Variants in NXPE1 observed in about 807,000 individuals in gnomAD.
NXPE1 encodes neurexophilin and PC-esterase domain family member 1.
Under a neutral mutation model 33.3 loss-of-function variants are expected in NXPE1, and 31 were observed. The ratio of observed to expected loss-of-function variants is 0.93; its 90% CI spans 0.70 to 1.26. NXPE1 has a LOEUF of 1.26. Ranked by LOEUF, NXPE1 falls within the 50% of genes most tolerant of loss-of-function variation. The probability of loss-of-function intolerance (pLI) is 0.00; values close to 1 mark genes in which losing one functional copy is unlikely to be tolerated. For missense variants in NXPE1, 661 were observed against 655.6 expected (o/e 1.01, Z -0.09); for synonymous variants, 229 against 231.4 (o/e 0.99, Z 0.09).
chr11:114,534,726 G>A (rs1353583233), intron 5 of NXPE1, among the ~76,000 whole-genome samples: 1 of 152,190 alleles, frequency 6.6e-6, no homozygotes, highest in Non-Finnish European at 1.5e-5. Context: ...ATGAAGAGAA[G>A]TTTGGAGAAA....
chr11:114,541,209 A>G (rs949758841), intron 5 of NXPE1, among the ~76,000 whole-genome samples: 3 of 152,150 alleles, frequency 2.0e-5, no homozygotes, highest in Admixed American at 6.6e-5. Flanking sequence ...TTTCCACAAC[A>G]TAACAGTCAC....
chr11:114,547,286 G>T (rs1229915075), intron 5 of NXPE1, among the ~76,000 whole-genome samples: 2 of 152,152 alleles, frequency 1.3e-5, no homozygotes, highest in African/African-American at 4.8e-5. Context: ...TTAGCTCTGT[G>T]ATCTTCCTTC....
At chr11:114,540,786 A>G (rs952059651) in intron 5 of NXPE1, among the ~76,000 whole-genome samples, 5 of 134,654 alleles carry the variant, frequency 3.7e-5, no homozygotes, top group Non-Finnish European at 6.2e-5. Context: ...TTGATGTGTT[A>G]GCCTGAGGGC....
At chr11:114,532,596 T>G (rs1947624017) in intron 5 of NXPE1, among the ~76,000 whole-genome samples, 1 of 152,126 alleles carries the variant, frequency 6.6e-6, no homozygotes, top group South Asian at 2.1e-4. Context: ...ACAAACCAAT[T>G]AATTTTATAA....
chr11:114,536,213 G>A (rs1392504751), intron 5 of NXPE1, among the ~76,000 whole-genome samples: 9 of 152,060 alleles, frequency 5.9e-5, no homozygotes, highest in Non-Finnish European at 8.8e-5. Flanking sequence ...AGGCAGAAAT[G>A]AAGATGTTCT....
intron 1 of NXPE1, among the ~76,000 whole-genome samples, chr11:114,554,921 A>G (rs1401704669): frequency 6.6e-6 from 1 of 152,332 alleles, no homozygotes; most frequent in East Asian, 1.9e-4. Context: ...GGCAGGGGAT[A>G]GCAGAGCTTG....
chr11:114,540,958 G>T (rs1187891085), intron 5 of NXPE1, among the ~76,000 whole-genome samples: 1 of 142,604 alleles, frequency 7.0e-6, no homozygotes, highest in Non-Finnish European at 1.5e-5. Flanking sequence ...CAGAACAGAG[G>T]CAGAGAAGGT....
chr11:114,557,436 G>C (rs1283406547), intron 1 of NXPE1, among the ~76,000 whole-genome samples: 3 of 151,544 alleles, frequency 2.0e-5, no homozygotes, highest in Non-Finnish European at 4.4e-5. Context: ...GCTATAGTCA[G>C]GCATTTCAGT....
At chr11:114,521,926 T>C (rs745916377) in exon 9 of NXPE1, 4 of 1,385,448 alleles carry the variant, frequency 2.9e-6, no homozygotes, top group Non-Finnish European at 4.0e-6. Flanking sequence ...TGGGATTATG[T>C]GCAGAGATTG....
At chr11:114,553,068 C>T (rs1006492624) in intron 1 of NXPE1, among the ~76,000 whole-genome samples, 188 bp from the exon 2 acceptor site, 2 of 152,146 alleles carry the variant, frequency 1.3e-5, no homozygotes, top group African/African-American at 4.8e-5. Flanking sequence ...CAACACTGCT[C>T]AATCTCCACC....
Position 114,538,829 on chromosome 11 carries a change from G to C in NXPE1, c.100-7921C>G, listed in dbSNP as rs1374917384. 3.3e-5 allele frequency among the ~76,000 whole-genome samples: 5 copies of C among 152,182 alleles called. No individual in the cohort carries two copies. The East Asian group carries it at 5.8e-4, about 18-fold the overall frequency. ...GGAGAAATAGGAACACTTTTACATT[G>C]TTGGTGGGACTGTAAACTAGTTCAA... On this transcript the variant is annotated intron_variant, in intron 5 of 8. Coordinates refer to ENST00000534921, the Ensembl canonical transcript of NXPE1.
At chr11:114,539,758 G>A (rs1173991073) in intron 5 of NXPE1, among the ~76,000 whole-genome samples, 1 of 152,016 alleles carries the variant, frequency 6.6e-6, no homozygotes, top group African/African-American at 2.4e-5. Context: ...ATTGTAAAGT[G>A]CAATATCAGT....
At chr11:114,555,826 T>C (rs1948635527) in intron 1 of NXPE1, among the ~76,000 whole-genome samples, 1 of 152,244 alleles carries the variant, frequency 6.6e-6, no homozygotes, top group Non-Finnish European at 1.5e-5. Context: ...ATTATGTTTT[T>C]GAAGATTCAT....
At chr11:114,519,730 GTC>G (rs1408002484), downstream of NXPE1, among the ~76,000 whole-genome samples, 1 of 152,044 alleles carries the variant, frequency 6.6e-6, no homozygotes, top group Non-Finnish European at 1.5e-5. Context: ...ACACGTATTT[GTC>G]TTGTGTGTGG....
At chr11:114,548,166 A>G (rs950328975) in intron 5 of NXPE1, among the ~76,000 whole-genome samples, 6 of 152,206 alleles carry the variant, frequency 3.9e-5, no homozygotes, top group Non-Finnish European at 8.8e-5. Flanking sequence ...CACCGAGTAC[A>G]GAGATACATG....
intron 5 of NXPE1, among the ~76,000 whole-genome samples, chr11:114,537,631 C>G (rs1469363138): frequency 2.0e-5 from 3 of 152,140 alleles, no homozygotes; most frequent in Non-Finnish European, 4.4e-5. Context: ...TTCTTATACA[C>G]CAGTAACAGA....
intron 6 of NXPE1, chr11:114,529,956 A>C: frequency 2.0e-6 from 1 of 509,888 alleles, no homozygotes; most frequent in Non-Finnish European, 3.4e-6. Flanking sequence ...GAACACATAG[A>C]AGAACGGTTA....
At chr11:114,523,249 G>T (rs1947271000) in intron 7 of NXPE1, among the ~76,000 whole-genome samples, 158 bp from the exon 8 acceptor site, 1 of 151,706 alleles carries the variant, frequency 6.6e-6, no homozygotes, top group African/African-American at 2.4e-5. Context: ...CATTAGCTTT[G>T]CTTCAGGCAC....
At chr11:114,534,175 G>C (rs1565303959) in intron 5 of NXPE1, among the ~76,000 whole-genome samples, 1 of 152,200 alleles carries the variant, frequency 6.6e-6, no homozygotes, top group Non-Finnish European at 1.5e-5. Flanking sequence ...AGGCAAACAA[G>C]GTCTGGAGTG....
Sources: allele counts gnomAD v4.1 joint callset (sites outside exome capture counted in the v4.1 genomes callset), GRCh38; gene constraint gnomAD v4.1.1; transcripts MANE v1.5; gene names NCBI Gene and HGNC (gene_info 2026-07-23, HGNC 2026-07-21).